GRM8: variants seen among roughly 807,000 people sequenced by gnomAD.
The protein encoded by GRM8 is metabotropic glutamate receptor 8.
A neutral mutation model predicts 87.2 loss-of-function variants in GRM8; 47 were observed. That is an observed-to-expected ratio of 0.54 (90% CI 0.43 to 0.69). The LOEUF (loss-of-function observed/expected upper bound fraction) is 0.69, where lower values mean the gene tolerates loss of function less well. Among genes scored for constraint, GRM8 ranks in the 30% least tolerant of loss-of-function variants. GRM8 has a pLI of 0.00. For synonymous variants in GRM8, 396 were observed against 404.5 expected (o/e 0.98, Z 0.25); for missense variants, 1,019 against 1,139.2 (o/e 0.89, Z 1.52).
At chr7:127,152,286 G>A (rs1244637406) in intron 2 of GRM8, among the ~76,000 whole-genome samples, 1 of 151,892 alleles carries the variant, frequency 6.6e-6, no homozygotes, top group Non-Finnish European at 1.5e-5. Flanking sequence ...CTGGTCTAAG[G>A]GTATATAGCA....
At chr7:127,120,750 A>G (rs1297307913) in intron 2 of GRM8, among the ~76,000 whole-genome samples, 3 of 152,224 alleles carry the variant, frequency 2.0e-5, no homozygotes, top group African/African-American at 4.8e-5. Context: ...CACTTTATGA[A>G]GAAGTTGATG....
At chr7:126,929,677 AC>A (rs1302642674) in intron 3 of GRM8, among the ~76,000 whole-genome samples, 1 of 146,462 alleles carries the variant, frequency 6.8e-6, no homozygotes, top group Non-Finnish European at 1.5e-5. Flanking sequence ...CAGGTGATCC[AC>A]CCCCCTCAGC....
intron 3 of GRM8, among the ~76,000 whole-genome samples, chr7:126,983,059 G>T (rs1293153258): frequency 6.6e-6 from 1 of 152,150 alleles, no homozygotes; most frequent in Non-Finnish European, 1.5e-5. Flanking sequence ...AGACAGCACT[G>T]TAACCCCCTT....
intron 8 of GRM8, among the ~76,000 whole-genome samples, chr7:126,590,577 T>C (rs922946193): frequency 6.6e-6 from 1 of 152,010 alleles, no homozygotes; most frequent in East Asian, 1.9e-4. Flanking sequence ...TGTCATCAGG[T>C]TGTCTACAGT....
At chr7:126,734,413 A>C (rs1284785002) in intron 7 of GRM8, among the ~76,000 whole-genome samples, 1 of 151,820 alleles carries the variant, frequency 6.6e-6, no homozygotes, top group African/African-American at 2.4e-5. Context: ...ACTAGCACAA[A>C]AAAAGATAGC....
At chr7:126,767,354 G>A (rs1818300054) in intron 7 of GRM8, among the ~76,000 whole-genome samples, 1 of 152,022 alleles carries the variant, frequency 6.6e-6, no homozygotes, top group African/African-American at 2.4e-5. Flanking sequence ...GGGTACAAAT[G>A]CAAAACAGCC....
At chr7:126,892,551 G>C (rs548489890) in intron 6 of GRM8, among the ~76,000 whole-genome samples, 197 of 152,182 alleles carry the variant, frequency 1.3e-3, no homozygotes, top group Non-Finnish European at 1.8e-3. Context: ...GGACATTTGG[G>C]TTGGTTCCAA....
chr7:127,079,092 T>G (rs1464976248), intron 3 of GRM8, among the ~76,000 whole-genome samples: 1 of 152,188 alleles, frequency 6.6e-6, no homozygotes, highest in African/African-American at 2.4e-5. Flanking sequence ...CATTTATTTA[T>G]ATATACATGT....
At chr7:127,076,204 G>T in intron 3 of GRM8, 1 of 456,572 alleles carries the variant, frequency 2.2e-6, no homozygotes, top group Non-Finnish European at 4.4e-6. Context: ...CATTCATGAA[G>T]GCAGCCCTGA....
intron 3 of GRM8, among the ~76,000 whole-genome samples, chr7:127,007,619 T>C (rs901889216): frequency 1.3e-5 from 2 of 152,118 alleles, no homozygotes; most frequent in Non-Finnish European, 2.9e-5. Context: ...TTTTTCGCAT[T>C]TTTTGAAAGT....
At chr7:126,620,069 C>A (rs1397670668) in intron 7 of GRM8, among the ~76,000 whole-genome samples, 5 of 152,098 alleles carry the variant, frequency 3.3e-5, no homozygotes, top group African/African-American at 1.2e-4. Context: ...GTAGGAGGAT[C>A]TCTTCAGGCC....
intron 8 of GRM8, among the ~76,000 whole-genome samples, chr7:126,591,938 C>A (rs1042696982): frequency 6.6e-6 from 1 of 151,582 alleles, no homozygotes. Context: ...ACTGATACAT[C>A]AGAAACACAA....
At chr7:126,456,412 T>G (rs1185747877) in intron 9 of GRM8, among the ~76,000 whole-genome samples, 1 of 149,402 alleles carries the variant, frequency 6.7e-6, no homozygotes, top group Non-Finnish European at 1.5e-5. Flanking sequence ...CAATCAGGAC[T>G]TAAGGACCCA....
At chr7:126,581,575 G>A (rs767351979) in intron 8 of GRM8, among the ~76,000 whole-genome samples, 2 of 151,976 alleles carry the variant, frequency 1.3e-5, no homozygotes, top group Non-Finnish European at 2.9e-5. Flanking sequence ...ACATAAAACT[G>A]TTTACTCTAT....
intron 8 of GRM8, among the ~76,000 whole-genome samples, chr7:126,545,402 A>G (rs925291302): frequency 6.6e-6 from 1 of 152,198 alleles, no homozygotes; most frequent in Admixed American, 6.5e-5. Flanking sequence ...CAGAGTGACC[A>G]TTTTTAATTG....
intron 2 of GRM8, among the ~76,000 whole-genome samples, chr7:127,240,598 G>T (rs1420047364): frequency 1.3e-5 from 2 of 152,146 alleles, no homozygotes; most frequent in Non-Finnish European, 2.9e-5. Flanking sequence ...GGTTTATAAG[G>T]AGAGGGAAAC....
intron 6 of GRM8, among the ~76,000 whole-genome samples, chr7:126,830,465 A>G (rs75257278): frequency 6.6e-6 from 1 of 151,932 alleles, no homozygotes; most frequent in Non-Finnish European, 1.5e-5. Context: ...ATCTTCCATC[A>G]CTAATACCCT....
At chr7:126,713,466 G>A (rs1397304386) in intron 7 of GRM8, among the ~76,000 whole-genome samples, 1 of 152,088 alleles carries the variant, frequency 6.6e-6, no homozygotes, top group East Asian at 1.9e-4. Flanking sequence ...ACAAGGGGAG[G>A]GAGAGCATTA....
intron 9 of GRM8, among the ~76,000 whole-genome samples, chr7:126,515,651 T>C (rs1196603986): frequency 6.6e-6 from 1 of 152,056 alleles, no homozygotes; most frequent in Non-Finnish European, 1.5e-5. Flanking sequence ...TTTTCATCTT[T>C]TAGAGGCTGT....
Sources: allele counts gnomAD v4.1 joint callset (sites outside exome capture counted in the v4.1 genomes callset), GRCh38; gene constraint gnomAD v4.1.1; transcripts MANE v1.5; gene names NCBI Gene and HGNC (gene_info 2026-07-23, HGNC 2026-07-21).